The following THRAP3 variants were observed in gnomAD, a reference collection of about 807,000 sequenced individuals.
THRAP3 encodes the protein thyroid hormone receptor-associated protein 3.
THRAP3 carries 16 observed loss-of-function variants against 101.0 expected under a neutral mutation model. The observed-to-expected ratio is 0.16, with a 90% CI of 0.11 to 0.24. The LOEUF is 0.24. Among genes scored for constraint, THRAP3 ranks in the 10% least tolerant of loss-of-function variants. The pLI is 1.00. For missense variants in THRAP3, 989 were observed against 1,202.7 expected, an observed-to-expected ratio of 0.82 and a Z score of 2.63; for synonymous variants, 407 against 422.6, an observed-to-expected ratio of 0.96 and a Z score of 0.45.
chr1:36,230,944 T>C (rs139035809), intron 1 of THRAP3, among the ~76,000 whole-genome samples: 261 of 152,326 alleles, frequency 1.7e-3, no homozygotes, highest in Non-Finnish European at 3.1e-3. Flanking sequence ...TCTTTTATAG[T>C]TGGGGCATGT....
At chr1:36,236,944 AGGCG>A (rs1198928533) in intron 1 of THRAP3, among the ~76,000 whole-genome samples, 1 of 152,188 alleles carries the variant, frequency 6.6e-6, no homozygotes, top group East Asian at 1.9e-4. Flanking sequence ...TGGGAGGCCG[AGGCG>A]GGCAAATCAC....
chr1:36,242,505 T>A (rs1645174199), intron 1 of THRAP3, among the ~76,000 whole-genome samples: 1 of 145,322 alleles, frequency 6.9e-6, no homozygotes, highest in South Asian at 2.1e-4. Context: ...CAGGCTGGAG[T>A]GCAGAGACGC....
chr1:36,229,208 C>T (rs1434961138), intron 1 of THRAP3, among the ~76,000 whole-genome samples: 1 of 152,136 alleles, frequency 6.6e-6, no homozygotes, highest in East Asian at 1.9e-4. Context: ...AGTGATTCTC[C>T]TGCCTCAGCT....
upstream of THRAP3, among the ~76,000 whole-genome samples, chr1:36,223,100 C>T (rs955883413): frequency 2.6e-5 from 4 of 152,004 alleles, no homozygotes; most frequent in Non-Finnish European, 5.9e-5. Context: ...GCCCTCCAGC[C>T]TGGGCGACAT....
chr1:36,229,419 TTTTG>T (rs1645000929), intron 1 of THRAP3, among the ~76,000 whole-genome samples: 1 of 45,014 alleles, frequency 2.2e-5, no homozygotes, highest in Non-Finnish European at 4.6e-5. Flanking sequence ...TTTGTTTTTT[TTTTG>T]TTTTTTTTTT....
At chr1:36,235,094 G>A (rs1310244108) in intron 1 of THRAP3, among the ~76,000 whole-genome samples, 1 of 152,156 alleles carries the variant, frequency 6.6e-6, no homozygotes, top group Admixed American at 6.5e-5. Flanking sequence ...GATTACAGGC[G>A]TGAGGCACTA....
intron 1 of THRAP3, among the ~76,000 whole-genome samples, chr1:36,253,254 C>A (rs1380994056): frequency 6.6e-6 from 1 of 151,966 alleles, no homozygotes; most frequent in Non-Finnish European, 1.5e-5. Flanking sequence ...GTGTTAGATT[C>A]TTGATATTTG....
upstream of THRAP3, among the ~76,000 whole-genome samples, chr1:36,220,953 C>CAAAAAAA (rs1206488922): frequency 1.1e-4 from 5 of 44,384 alleles, no homozygotes; most frequent in African/African-American, 5.4e-4. Context: ...GAGACTGTCT[C>CAAAAAAA]AAAAAAAAAA....
At chr1:36,213,943 G>GAA in the THRAP3 span, among the ~76,000 whole-genome samples, 15 of 118,768 alleles carry the variant, frequency 1.3e-4, no homozygotes, top group South Asian at 2.0e-3. Flanking sequence ...AAGAAAGAAA[G>GAA]AAAGAAAGAA....
At chr1:36,230,117 G>T (rs1645011273) in intron 1 of THRAP3, among the ~76,000 whole-genome samples, 1 of 151,396 alleles carries the variant, frequency 6.6e-6, no homozygotes, top group Non-Finnish European at 1.5e-5. Context: ...ACCACACCTG[G>T]TTAATTTTTT....
chr1:36,241,232 G>C (rs920822537), intron 1 of THRAP3, among the ~76,000 whole-genome samples: 1 of 149,004 alleles, frequency 6.7e-6, no homozygotes, highest in East Asian at 2.0e-4. Context: ...TCAGAAATAC[G>C]TGCCGCTGAC....
At chr1:36,248,630 C>T (rs1159900601) in intron 1 of THRAP3, among the ~76,000 whole-genome samples, 1 of 151,960 alleles carries the variant, frequency 6.6e-6, no homozygotes, top group Non-Finnish European at 1.5e-5. Context: ...ATGGCCCAGG[C>T]TGGTCTTGAA....
At position 36,282,787 on chromosome 1, in the gene THRAP3, G is replaced by C. The variant is rs116789770; in HGVS notation, c.137+87G>C. 1,444 of 1,506,684 alleles carry C rather than the reference G, an allele frequency of 9.6e-4. 7 individuals carry two copies. In the African/African-American group the frequency reaches 0.016, roughly 16 times the overall value. 93.3% of individuals were successfully genotyped at this position (1,506,684 alleles called of 1,614,324 possible). A position where few individuals can be genotyped will look rare whatever the true frequency, so the allele number is the denominator to read the frequency against. ...AGATCTTTTGTTAGACTTTTCCTGT[G>C]AGTGTCAAATGGACTGGGGGGTTGG... On this transcript the variant is annotated intron_variant, in intron 3 of 11. Coordinates refer to ENST00000354618, the MANE Select transcript of THRAP3 (RefSeq NM_005119.4).
intron 1 of THRAP3, among the ~76,000 whole-genome samples, chr1:36,239,506 A>T (rs1390308950): frequency 6.6e-6 from 1 of 151,988 alleles, no homozygotes; most frequent in South Asian, 2.1e-4. Flanking sequence ...TGCTCAAGTA[A>T]TCCTCTCACC....
intron 1 of THRAP3, among the ~76,000 whole-genome samples, chr1:36,246,983 G>A (rs2124434013): frequency 6.6e-6 from 1 of 152,102 alleles, no homozygotes; most frequent in South Asian, 2.1e-4. Flanking sequence ...AAATATTGAG[G>A]GCTTCAGTTT....
intron 8 of THRAP3, chr1:36,294,169 GA>G (rs1557455341): frequency 2.4e-6 from 3 of 1,257,852 alleles, no homozygotes; most frequent in South Asian, 5.6e-5. Context: ...GTGAGCTTGA[GA>G]AAAAAAAGAG....
the THRAP3 span, among the ~76,000 whole-genome samples, chr1:36,216,571 G>A: frequency 2.6e-5 from 4 of 151,528 alleles, no homozygotes; most frequent in African/African-American, 7.3e-5. Context: ...GGAGGCCGAG[G>A]CGGGTGGATT....
intron 2 of THRAP3, among the ~76,000 whole-genome samples, chr1:36,276,699 AT>A (rs1274779157): frequency 6.6e-6 from 1 of 151,596 alleles, no homozygotes; most frequent in Non-Finnish European, 1.5e-5. Context: ...TCTATTAAAA[AT>A]ACAAAAATGA....
In THRAP3 at chr1:36,276,775, T is replaced by G. The variant is rs574063444; in HGVS notation, c.-31-5758T>G. Among the ~76,000 whole-genome samples, 189 of 151,446 alleles carry G rather than the reference T, an allele frequency of 1.2e-3. 1 individual carries two copies. Among genetic ancestry groups the G allele is most frequent in the African/African-American group, 4.0e-3 (167 of 41,258 alleles). Reference sequence around the variant, plus strand: ...GAGAGGCTGAGGCAAGAGAATCACTTGAACCGGGGAGGTGGAGGCTGCAGT... The same window carrying G: ...GAGAGGCTGAGGCAAGAGAATCACTGGAACCGGGGAGGTGGAGGCTGCAGT... On this transcript the variant is annotated intron_variant, in intron 2 of 11. Coordinates refer to ENST00000354618, the MANE Select transcript of THRAP3 (RefSeq NM_005119.4).
Sources: allele counts gnomAD v4.1 joint callset (sites outside exome capture counted in the v4.1 genomes callset), GRCh38; gene constraint gnomAD v4.1.1; transcripts MANE v1.5; gene names NCBI Gene and HGNC (gene_info 2026-07-23, HGNC 2026-07-21).